The following EPB41L4A variants were observed in gnomAD, a reference collection of about 807,000 sequenced individuals.
EPB41L4A encodes erythrocyte membrane protein band 4.1 like 4A, also known as band 4.1-like protein 4A.
A neutral mutation model predicts 108.6 loss-of-function variants in EPB41L4A; 100 were observed. The ratio of observed to expected loss-of-function variants is 0.92; its 90% CI spans 0.78 to 1.09. The LOEUF is 1.09. Ranked by LOEUF, EPB41L4A falls within the 50% of genes least tolerant of loss-of-function variation. The pLI is 0.00. For synonymous variants in EPB41L4A, 319 were observed against 289.0 expected, an observed-to-expected ratio of 1.10 and a Z score of -1.05; for missense variants, 1,030 against 842.7, an observed-to-expected ratio of 1.22 and a Z score of -2.75.
intron 2 of EPB41L4A, among the ~76,000 whole-genome samples, chr5:112,289,725 C>T (rs1753527315): frequency 6.6e-6 from 1 of 152,240 alleles, no homozygotes; most frequent in Non-Finnish European, 1.5e-5. Flanking sequence ...ATGACTGAGA[C>T]TTCAGATGAC....
In EPB41L4A at chr5:112,264,586, T is replaced by C. The variant is rs189752330; in HGVS notation, c.554+310A>G. 28 of 185,102 alleles carry C rather than the reference T, an allele frequency of 1.5e-4. No homozygotes were observed. The Admixed American group carries it at 1.7e-3, about 11-fold the overall frequency. 11.5% of individuals were successfully genotyped at this position (185,102 alleles called of 1,614,324 possible). A position where few individuals can be genotyped will look rare whatever the true frequency, so the allele number is the denominator to read the frequency against. Reference sequence around the variant, plus strand: ...TACAGAATGATTCCACTATGTAATATCATAAATACATGAACCTATGTATGA... The same window carrying C: ...TACAGAATGATTCCACTATGTAATACCATAAATACATGAACCTATGTATGA... On this transcript the variant is annotated intron_variant, in intron 6 of 22. Transcript: ENST00000261486.
chr5:112,144,920 C>T (rs1759194060), intron 13 of EPB41L4A, among the ~76,000 whole-genome samples: 1 of 152,244 alleles, frequency 6.6e-6, no homozygotes, highest in Non-Finnish European at 1.5e-5. Context: ...GGAGGGGATC[C>T]CCTCACTCCT....
At chr5:112,404,350 A>G (rs1234087470) in intron 1 of EPB41L4A, among the ~76,000 whole-genome samples, 2 of 152,206 alleles carry the variant, frequency 1.3e-5, no homozygotes, top group Non-Finnish European at 2.9e-5. Context: ...ACTGATGACA[A>G]AACTCAGGCA....
intron 6 of EPB41L4A, among the ~76,000 whole-genome samples, chr5:112,262,817 C>T (rs1031498514): frequency 2.0e-5 from 3 of 152,056 alleles, no homozygotes; most frequent in Non-Finnish European, 4.4e-5. Context: ...ATAGCCTATC[C>T]CCAATGTCCC....
intron 12 of EPB41L4A, among the ~76,000 whole-genome samples, chr5:112,220,889 C>G (rs906744630): frequency 6.6e-5 from 10 of 152,268 alleles, no homozygotes; most frequent in African/African-American, 2.2e-4. Context: ...AACAACCAAC[C>G]TTTGCTAAGC....
intron 1 of EPB41L4A, among the ~76,000 whole-genome samples, chr5:112,359,563 C>T (rs560910704): frequency 6.8e-5 from 10 of 146,872 alleles, no homozygotes; most frequent in East Asian, 5.9e-4. Flanking sequence ...TTTTTTGAGA[C>T]GGAGTCTTGC....
In EPB41L4A at chr5:112,195,728, C is replaced by CA. The variant is rs1206298621; in HGVS notation, c.1377-21dup. The CA allele has an allele frequency of 1.2e-6, 2 of 1,608,224 alleles. No individual in the cohort carries two copies. The highest frequency in any genetic ancestry group is 3.4e-5 in the Admixed American group (2 of 58,926). ...GCTTTCCTGTGAAAACAAATGAAGA[C>CA]ATTTAAGAAAACAGGAGATTATCAA... is the stretch of plus-strand genomic sequence containing the variant. On this transcript the variant is annotated intron_variant, in intron 15 of 22. Coordinates refer to ENST00000261486, the MANE Select transcript of EPB41L4A (RefSeq NM_022140.5).
At chr5:112,302,841 G>T (rs139981783) in intron 2 of EPB41L4A, among the ~76,000 whole-genome samples, 23 of 152,126 alleles carry the variant, frequency 1.5e-4, no homozygotes, top group African/African-American at 5.6e-4. Context: ...TTAGACCTTC[G>T]GTGCTATGGG....
intron 1 of EPB41L4A, among the ~76,000 whole-genome samples, chr5:112,352,304 T>G (rs1326096309): frequency 6.6e-6 from 1 of 152,182 alleles, no homozygotes; most frequent in Non-Finnish European, 1.5e-5. Flanking sequence ...TACCCATAGG[T>G]TTTGGTATGT....
At chr5:112,328,667 C>T (rs998669178) in intron 1 of EPB41L4A, among the ~76,000 whole-genome samples, 1 of 152,166 alleles carries the variant, frequency 6.6e-6, no homozygotes, top group African/African-American at 2.4e-5. Context: ...TCAATACGCA[C>T]CTAGAAGTTT....
intron 1 of EPB41L4A, among the ~76,000 whole-genome samples, chr5:112,329,120 T>C (rs1412329539): frequency 6.6e-6 from 1 of 152,198 alleles, no homozygotes; most frequent in African/African-American, 2.4e-5. Context: ...CTGGTCCAAA[T>C]TGAGATGTAC....
At chr5:112,318,971 C>T (rs1283933089) in intron 1 of EPB41L4A, among the ~76,000 whole-genome samples, 3 of 152,164 alleles carry the variant, frequency 2.0e-5, no homozygotes, top group East Asian at 1.9e-4. Flanking sequence ...CCATGAAGCA[C>T]GTCCCCAGGT....
chr5:112,317,774 T>C (rs1348246218), intron 1 of EPB41L4A, among the ~76,000 whole-genome samples: 3 of 152,218 alleles, frequency 2.0e-5, no homozygotes, highest in African/African-American at 7.2e-5. Context: ...AATACATCTT[T>C]TTTGTAAAAA....
chr5:112,355,426 C>G (rs1279847830), intron 1 of EPB41L4A, among the ~76,000 whole-genome samples: 1 of 152,188 alleles, frequency 6.6e-6, no homozygotes, highest in Non-Finnish European at 1.5e-5. Context: ...CCTATAACCT[C>G]CTTTCCACAA....
chr5:112,229,112 A>G (rs940170881), intron 12 of EPB41L4A, among the ~76,000 whole-genome samples: 2 of 152,250 alleles, frequency 1.3e-5, no homozygotes, highest in African/African-American at 4.8e-5. Context: ...AAGGTCTTCT[A>G]AAGTAAAAAC....
Position 112,325,299 on chromosome 5 carries a change from G to A in EPB41L4A, c.100-17809C>T, listed in dbSNP as rs1372887939. Among the ~76,000 whole-genome samples the A allele has an allele frequency of 5.9e-5, 9 of 152,272 alleles. No individual in the cohort carries two copies. In the South Asian group the frequency reaches 6.2e-4, roughly 11 times the overall value. Reference sequence around the variant, plus strand: ...TACTAAAAATACAAAAAATTAGCCGGGCGTAGTGGCACACGCCTGTAGTCC... The same window carrying A: ...TACTAAAAATACAAAAAATTAGCCGAGCGTAGTGGCACACGCCTGTAGTCC... On this transcript the variant is annotated intron_variant, in intron 1 of 22. Transcript: ENST00000261486.
At chr5:112,295,035 C>T (rs953928432) in intron 2 of EPB41L4A, among the ~76,000 whole-genome samples, 5 of 152,186 alleles carry the variant, frequency 3.3e-5, no homozygotes, top group Non-Finnish European at 5.9e-5. Flanking sequence ...TCATCTGGCA[C>T]TGAAACTAAA....
At chr5:112,259,808 C>CT in intron 8 of EPB41L4A, 83 bp downstream of exon 8, 1 of 1,007,952 alleles carries the variant, frequency 9.9e-7, no homozygotes, top group East Asian at 2.4e-5. Context: ...TACCTGTTTT[C>CT]TTTTCCCCAA....
intron 12 of EPB41L4A, among the ~76,000 whole-genome samples, chr5:112,222,942 GTT>G (rs11399684): frequency 2.1e-5 from 3 of 140,188 alleles, no homozygotes; most frequent in African/African-American, 5.3e-5. Context: ...AGTGAAACTA[GTT>G]TTTTTTTTTT....
Sources: gnomAD v4.1 joint callset for allele counts (sites outside exome capture counted in the v4.1 genomes callset) on GRCh38, gnomAD v4.1.1 for gene constraint, MANE v1.5 for transcripts, NCBI Gene and HGNC (gene_info 2026-07-23, HGNC 2026-07-21) for gene names.